The following ACTN1 variants were observed in gnomAD, a reference collection of about 807,000 sequenced individuals.
ACTN1 encodes the protein alpha-actinin-1.
A neutral mutation model predicts 119.6 loss-of-function variants in ACTN1; 30 were observed. The ratio of observed to expected loss-of-function variants is 0.25; its 90% CI spans 0.19 to 0.34. The LOEUF (loss-of-function observed/expected upper bound fraction) is 0.34, where lower values mean the gene tolerates loss of function less well. Ranked by LOEUF, ACTN1 falls within the 10% of genes least tolerant of loss-of-function variation. The probability of loss-of-function intolerance (pLI) is 1.00; values close to 1 mark genes in which losing one functional copy is unlikely to be tolerated. For missense variants in ACTN1, 764 were observed against 1,223.4 expected, an observed-to-expected ratio of 0.62 and a Z score of 5.60; for synonymous variants, 429 against 472.6, an observed-to-expected ratio of 0.91 and a Z score of 1.20.
chr14:68,960,172 G>T (rs746022074), intron 1 of ACTN1, among the ~76,000 whole-genome samples: 2 of 152,140 alleles, frequency 1.3e-5, no homozygotes, highest in African/African-American at 2.4e-5. Context: ...GGTGGCAGAG[G>T]CAGAAGAGGT....
chr14:68,892,403 C>T (rs2032566563), intron 9 of ACTN1, 120 bp from the exon 10 acceptor site: 2 of 979,254 alleles, frequency 2.0e-6, no homozygotes, highest in Non-Finnish European at 1.5e-6. Context: ...CCTAATAGCA[C>T]ACTCCTTCCC....
At chr14:68,961,958 C>T (rs2036555502) in intron 1 of ACTN1, among the ~76,000 whole-genome samples, 1 of 152,206 alleles carries the variant, frequency 6.6e-6, no homozygotes, top group Admixed American at 6.5e-5. Context: ...CACAAGACAC[C>T]CTGAAAGCTT....
rs771019709 is a variant in ACTN1 at position 68,976,433 on chromosome 14, A to G, written c.105+2519T>C. On this transcript the variant is annotated intron_variant, in intron 1 of 21. Transcript: ENST00000394419. Reference sequence around the variant, plus strand: ...TCACCTGTAATACCACCTCCTTAATATCACCCTACTGAGAACTAGGCAGGC... The same window carrying G: ...TCACCTGTAATACCACCTCCTTAATGTCACCCTACTGAGAACTAGGCAGGC... Among the ~76,000 whole-genome samples the G allele has an allele frequency of 2.9e-4, 44 of 152,270 alleles. 1 individual carries two copies. Among genetic ancestry groups the G allele is most frequent in the Non-Finnish European group, 5.4e-4 (37 of 68,020 alleles).
Position 68,882,843 on chromosome 14 carries a change from C to A in ACTN1, c.1818+30G>T. ...AAAATCCCTGCCTTTATGAAACTTA[C>A]AATGGCTCGGCCCATGCCCTTCAAC... On this transcript the variant is annotated intron_variant, in intron 15 of 21. Coordinates refer to ENST00000394419, the MANE Select transcript of ACTN1 (RefSeq NM_001130004.2). This position sits in a 1 kb window ranked among gnomAD's most constrained non-coding sequence, Gnocchi z 4.5. 1.0e-5 allele frequency: 16 copies of A among 1,600,114 alleles called. No homozygotes were observed. Among genetic ancestry groups the A allele is most frequent in the Non-Finnish European group, 1.4e-5 (16 of 1,169,878 alleles).
intron 2 of ACTN1, among the ~76,000 whole-genome samples, chr14:68,923,630 T>C (rs1255505567): frequency 6.6e-6 from 1 of 151,644 alleles, no homozygotes; most frequent in African/African-American, 2.4e-5. Context: ...GCCAACATGG[T>C]GGAACCCTAT....
At chr14:68,965,577 C>A (rs1361695532) in intron 1 of ACTN1, among the ~76,000 whole-genome samples, 1 of 152,240 alleles carries the variant, frequency 6.6e-6, no homozygotes, top group Non-Finnish European at 1.5e-5. Flanking sequence ...AGCACCCAGA[C>A]TAGAAGGCAG....
chr14:68,902,653 A>AAGTC (rs2033415155), intron 7 of ACTN1, 91 bp from the exon 8 acceptor site: 4 of 1,092,156 alleles, frequency 3.7e-6, no homozygotes, highest in Non-Finnish European at 5.5e-6. Context: ...CAGCACCACC[A>AAGTC]AGTCTTCTTG....
chr14:68,920,385 A>G (rs1420140280), intron 3 of ACTN1, among the ~76,000 whole-genome samples: 1 of 152,066 alleles, frequency 6.6e-6, no homozygotes, highest in African/African-American at 2.4e-5. Context: ...TGGATAGAAC[A>G]TTTTCTGCCC....
chr14:68,925,773 C>T lies in ACTN1; in HGVS notation c.106-101G>A, dbSNP rs555120012. The T allele has an allele frequency of 7.3e-6, 6 of 823,032 alleles. No homozygotes were observed. In the Admixed American group the frequency reaches 1.4e-4, roughly 20 times the overall value. 51.0% of individuals were successfully genotyped at this position (823,032 alleles called of 1,614,324 possible). A position where few individuals can be genotyped will look rare whatever the true frequency, so the allele number is the denominator to read the frequency against. On this transcript the variant is annotated intron_variant, in intron 1 of 21. Transcript: ENST00000394419. This position sits in a 1 kb window ranked among gnomAD's most constrained non-coding sequence, Gnocchi z 4.3. ...CCAGGGGGTGGGAGGTGGACACCTA[C>T]TCAGCAGAGCCTCTCAACACAGTTG... is the stretch of plus-strand genomic sequence containing the variant.
At chr14:68,961,700 C>T (rs780123306) in intron 1 of ACTN1, among the ~76,000 whole-genome samples, 4 of 152,136 alleles carry the variant, frequency 2.6e-5, no homozygotes, top group Non-Finnish European at 5.9e-5. Context: ...CTTGCAATAC[C>T]CCCGACATGT....
intron 1 of ACTN1, among the ~76,000 whole-genome samples, chr14:68,935,969 A>G (rs1182832865): frequency 2.0e-5 from 3 of 152,206 alleles, no homozygotes; most frequent in Non-Finnish European, 4.4e-5. Context: ...TTAAGTGTTC[A>G]GAGGATGGGA....
chr14:68,955,840 A>G lies in ACTN1; in HGVS notation c.105+23112T>C, dbSNP rs368431376. 2.2e-4 allele frequency among the ~76,000 whole-genome samples: 34 copies of G among 152,370 alleles called. 2 individuals carry two copies. In the South Asian group the frequency reaches 6.8e-3, roughly 31 times the overall value. On this transcript the variant is annotated intron_variant, in intron 1 of 21. Coordinates refer to ENST00000394419, the MANE Select transcript of ACTN1 (RefSeq NM_001130004.2). ...AAAGCAGTTTACAACCAGGAAAGCA[A>G]TAACAGATTGCCTTTCCTTTCTTCA...
At chr14:68,914,426 C>A in intron 3 of ACTN1, among the ~76,000 whole-genome samples, 1 of 152,096 alleles carries the variant, frequency 6.6e-6, no homozygotes, top group Non-Finnish European at 1.5e-5. Context: ...CACTTGTAAT[C>A]AAAGAAATAA....
intron 10 of ACTN1, among the ~76,000 whole-genome samples, chr14:68,891,128 T>C (rs1357625435): frequency 1.3e-5 from 2 of 152,164 alleles, no homozygotes; most frequent in Non-Finnish European, 2.9e-5. Flanking sequence ...GGCTGCCGTC[T>C]CCCCACGATG....
rs377681192 is a variant in ACTN1 at position 68,914,259 on chromosome 14, A to C, written c.341-2017T>G. On this transcript the variant is annotated intron_variant, in intron 3 of 21. Transcript: ENST00000394419. ...TCGGCTCATAAATCTTTGATATTTTAAAAAATGCACTTTCATTTGTTATTT... is the reference window on the plus strand; with the variant it reads ...TCGGCTCATAAATCTTTGATATTTTCAAAAATGCACTTTCATTTGTTATTT... Among the ~76,000 whole-genome samples, 534 of 152,116 alleles carry C rather than the reference A, an allele frequency of 3.5e-3. 2 individuals are homozygous for C. Among genetic ancestry groups the C allele is most frequent in the African/African-American group, 0.012 (511 of 41,370 alleles).
chr14:68,879,590 C>G lies in ACTN1; in HGVS notation c.2280+372G>C, dbSNP rs562039832. On this transcript the variant is annotated intron_variant, in intron 18 of 21. Coordinates refer to ENST00000394419, the MANE Select transcript of ACTN1 (RefSeq NM_001130004.2). The surrounding 1 kb of genome is among the most constrained non-coding windows in gnomAD (Gnocchi z 4.9). ...CAGAGTCCCAGAGGCCACTGGAGGT[C>G]GGGGTAGGGGTAGGGGCCAGCGAGG... Among the ~76,000 whole-genome samples the G allele has an allele frequency of 6.6e-6, 1 of 152,184 alleles. No individual in the cohort carries two copies. The highest frequency in any genetic ancestry group is 2.1e-4 in the South Asian group (1 of 4,816).
At chr14:68,916,599 A>T (rs553811022) in intron 3 of ACTN1, among the ~76,000 whole-genome samples, 1 of 152,292 alleles carries the variant, frequency 6.6e-6, no homozygotes, top group African/African-American at 2.4e-5. Flanking sequence ...CTGGCATGGC[A>T]GGTCCTGTAT....
intron 1 of ACTN1, among the ~76,000 whole-genome samples, chr14:68,954,829 T>C (rs1460615666): frequency 2.0e-5 from 3 of 152,244 alleles, no homozygotes; most frequent in South Asian, 2.1e-4. Flanking sequence ...TATTAGAACC[T>C]TGCCCTGGTC....
chr14:68,924,364 G>C lies in ACTN1; in HGVS notation c.220+1194C>G, dbSNP rs182983527. 3.8e-4 allele frequency among the ~76,000 whole-genome samples: 58 copies of C among 152,274 alleles called. No individual in the cohort carries two copies. The East Asian group carries it at 8.3e-3, about 22-fold the overall frequency. ...AAAGGGCAGTTAGAGCTTGTGCAAAGGCACAGGAAACAGAAAGTGCATGTC... is the reference window on the plus strand; with the variant it reads ...AAAGGGCAGTTAGAGCTTGTGCAAACGCACAGGAAACAGAAAGTGCATGTC... On this transcript the variant is annotated intron_variant, in intron 2 of 21. Transcript: ENST00000394419.
Sources: allele counts gnomAD v4.1 joint callset (sites outside exome capture counted in the v4.1 genomes callset), GRCh38; gene constraint gnomAD v4.1.1; non-coding constraint Gnocchi (gnomAD v3.1); transcripts MANE v1.5; gene names NCBI Gene and HGNC (gene_info 2026-07-23, HGNC 2026-07-21).